DYNC1LI1: variants seen among roughly 807,000 people sequenced by gnomAD.
DYNC1LI1 encodes the protein cytoplasmic dynein 1 light intermediate chain 1.
DYNC1LI1 carries 19 observed loss-of-function variants against 63.8 expected under a neutral mutation model. That is an observed-to-expected ratio of 0.30 (90% CI 0.21 to 0.44). The LOEUF (loss-of-function observed/expected upper bound fraction) is 0.44, where lower values mean the gene tolerates loss of function less well. DYNC1LI1 is among the 20% of genes least tolerant of loss of function. The probability of loss-of-function intolerance (pLI) is 1.00; values close to 1 mark genes in which losing one functional copy is unlikely to be tolerated. For missense variants in DYNC1LI1, 565 were observed against 630.2 expected (o/e 0.90, Z 1.11); for synonymous variants, 225 against 232.3 (o/e 0.97, Z 0.28).
intron 11 of DYNC1LI1, among the ~76,000 whole-genome samples, chr3:32,529,156 C>T (rs1697662027): frequency 6.6e-6 from 1 of 152,144 alleles, no homozygotes; most frequent in Admixed American, 6.5e-5. Context: ...AAAATATTAT[C>T]CAAAGGCATA....
intron 2 of DYNC1LI1, among the ~76,000 whole-genome samples, chr3:32,552,696 C>CTGTTGTTGT (rs537165508): frequency 2.6e-5 from 4 of 151,788 alleles, no homozygotes; most frequent in African/African-American, 9.7e-5. Flanking sequence ...TATACTTTTG[C>CTGTTGTTGT]TGTTGTTGTT....
intron 2 of DYNC1LI1, among the ~76,000 whole-genome samples, chr3:32,567,700 G>C (rs9813482): frequency 0.028 from 4,128 of 146,510 alleles, 211 homozygotes; most frequent in African/African-American, 0.099. Context: ...CATCATACCC[G>C]GCCTTTTTTT....
At chr3:32,537,926 A>T (rs552398122) in intron 5 of DYNC1LI1, among the ~76,000 whole-genome samples, 2 of 24,852 alleles carry the variant, frequency 8.0e-5, no homozygotes, top group East Asian at 1.1e-3. Flanking sequence ...TTATATATAT[A>T]ATATATATAT....
intron 2 of DYNC1LI1, among the ~76,000 whole-genome samples, chr3:32,563,018 G>C (rs139772328): frequency 6.6e-6 from 1 of 151,990 alleles, no homozygotes; most frequent in African/African-American, 2.4e-5. Context: ...GACCTATTTA[G>C]CAATTATTTC....
intron 5 of DYNC1LI1, among the ~76,000 whole-genome samples, chr3:32,537,888 AT>A (rs1385338163): frequency 1.1e-5 from 1 of 90,900 alleles, no homozygotes; most frequent in Non-Finnish European, 2.0e-5. Flanking sequence ...TATATATATA[AT>A]TTATATATAT....
chr3:32,542,964 A>C (rs560744206), intron 4 of DYNC1LI1, among the ~76,000 whole-genome samples: 2 of 152,334 alleles, frequency 1.3e-5, no homozygotes, highest in South Asian at 4.1e-4. Flanking sequence ...CAGAGGCTGT[A>C]ATCTAATAGT....
chr3:32,550,815 G>T (rs1228011778), intron 2 of DYNC1LI1, among the ~76,000 whole-genome samples: 1 of 152,054 alleles, frequency 6.6e-6, no homozygotes, highest in Non-Finnish European at 1.5e-5. Flanking sequence ...TGATACTGCT[G>T]GTACAGAAGC....
At position 32,544,757 on chromosome 3, in the gene DYNC1LI1, AAG is replaced by A; in HGVS notation, c.568+117_568+118del. 7 of 704,616 alleles carry A rather than the reference AAG, an allele frequency of 9.9e-6. No homozygotes were observed. In the South Asian group the frequency reaches 1.3e-4, roughly 14 times the overall value. 43.6% of individuals were successfully genotyped at this position (704,616 alleles called of 1,614,324 possible). ...ACTCTTGTCTCCAAAAAAAAAAAAA[AAG>A]TACTTACAATATGCTTACTTCATTA... On this transcript the variant is annotated intron_variant, in intron 4 of 12. Coordinates refer to ENST00000273130, the MANE Select transcript of DYNC1LI1 (RefSeq NM_016141.4).
At chr3:32,569,494 CACCAAAT>C (rs1408075039) in intron 2 of DYNC1LI1, among the ~76,000 whole-genome samples, 1 of 152,136 alleles carries the variant, frequency 6.6e-6, no homozygotes, top group Non-Finnish European at 1.5e-5. Context: ...ATTGAGCCGA[CACCAAAT>C]ACCAAAGTTT....
At chr3:32,531,792 A>G (rs576902539) in intron 8 of DYNC1LI1, 1 of 152,314 alleles carries the variant, frequency 6.6e-6, no homozygotes, top group East Asian at 1.9e-4. Flanking sequence ...TATATATGTC[A>G]AGATTAAAGT....
At chr3:32,569,558 A>G (rs1377932587) in intron 2 of DYNC1LI1, among the ~76,000 whole-genome samples, 1 of 152,204 alleles carries the variant, frequency 6.6e-6, no homozygotes, top group African/African-American at 2.4e-5. Context: ...TCTCGCATGT[A>G]AAGAGCTATA....
chr3:32,565,832 C>T (rs1698251033), intron 2 of DYNC1LI1, among the ~76,000 whole-genome samples: 1 of 152,158 alleles, frequency 6.6e-6, no homozygotes, highest in Admixed American at 6.5e-5. Context: ...TGGTCTCGAA[C>T]TCTTGACCTC....
chr3:32,559,534 C>T lies in DYNC1LI1; in HGVS notation c.220+10812G>A, dbSNP rs546444639. Among the ~76,000 whole-genome samples, 118 of 152,136 alleles carry T rather than the reference C, an allele frequency of 7.8e-4. 2 individuals carry two copies. Among genetic ancestry groups the T allele is most frequent in the African/African-American group, 2.6e-3 (107 of 41,516 alleles). On this transcript the variant is annotated intron_variant, in intron 2 of 12. Coordinates refer to ENST00000273130, the MANE Select transcript of DYNC1LI1 (RefSeq NM_016141.4). ...GATTATAGGCGTGTGCCACCATGCC[C>T]GGCCCAACTCCTTTGTAACTTATAC...
intron 10 of DYNC1LI1, 28 bp from the exon 11 acceptor site, chr3:32,529,688 T>A (rs779174276): frequency 6.5e-7 from 1 of 1,549,962 alleles, no homozygotes; most frequent in Admixed American, 2.0e-5. Context: ...AATACAATTA[T>A]AAAAACCTGA....
At chr3:32,557,457 G>A (rs1698130025) in intron 2 of DYNC1LI1, among the ~76,000 whole-genome samples, 1 of 152,026 alleles carries the variant, frequency 6.6e-6, no homozygotes. Flanking sequence ...AGGAGGCGGA[G>A]GCTGCAGTGA....
At chr3:32,561,775 A>C (rs1698197756) in intron 2 of DYNC1LI1, among the ~76,000 whole-genome samples, 2 of 152,110 alleles carry the variant, frequency 1.3e-5, no homozygotes, top group African/African-American at 4.8e-5. Context: ...TAACAATAAT[A>C]ATCTGTCTAC....
intron 12 of DYNC1LI1, among the ~76,000 whole-genome samples, chr3:32,527,372 G>A (rs1035178648): frequency 1.3e-5 from 2 of 151,508 alleles, no homozygotes; most frequent in African/African-American, 4.8e-5. Context: ...ACCAAATGGA[G>A]GTATAACTGG....
At position 32,570,804 on chromosome 3, in the gene DYNC1LI1, T is replaced by C. The variant is rs574769222; in HGVS notation, c.-34A>G. 173 of 1,583,552 alleles carry C rather than the reference T, an allele frequency of 1.1e-4. 1 individual carries two copies. The East Asian group carries it at 3.9e-3, about 36-fold the overall frequency. On this transcript the variant is annotated 5_prime_UTR_variant, in exon 1 of 13. Transcript: ENST00000273130. ...GGAATCACACCACTCCCGGCAAGAC[T>C]AAATGTGCGAGGCGGCTGAGGCGGT...
chr3:32,560,370 T>C (rs1049146320), intron 2 of DYNC1LI1, among the ~76,000 whole-genome samples: 1 of 152,012 alleles, frequency 6.6e-6, no homozygotes, highest in African/African-American at 2.4e-5. Flanking sequence ...GAGACGGAGG[T>C]TGCAGTGAGC....
Sources: allele counts gnomAD v4.1 joint callset (sites outside exome capture counted in the v4.1 genomes callset), GRCh38; gene constraint gnomAD v4.1.1; transcripts MANE v1.5; gene names NCBI Gene and HGNC (gene_info 2026-07-23, HGNC 2026-07-21).